The following PLEKHA7 variants were observed in gnomAD, a reference collection of about 807,000 sequenced individuals.
PLEKHA7 encodes pleckstrin homology domain containing A7, also known as pleckstrin homology domain-containing family A member 7.
A neutral mutation model predicts 170.0 loss-of-function variants in PLEKHA7; 104 were observed. That is an observed-to-expected ratio of 0.61 (90% CI 0.52 to 0.72). PLEKHA7 has a LOEUF of 0.72. Ranked by LOEUF, PLEKHA7 falls within the 30% of genes least tolerant of loss-of-function variation. The pLI, the probability that PLEKHA7 is intolerant of heterozygous loss-of-function variation, is 0.00. For synonymous variants in PLEKHA7, 648 were observed against 660.8 expected (o/e 0.98, Z 0.30); for missense variants, 1,615 against 1,671.7 (o/e 0.97, Z 0.59).
chr11:16,781,576 C>T (rs539471054), intron 26 of PLEKHA7, among the ~76,000 whole-genome samples: 3 of 152,174 alleles, frequency 2.0e-5, no homozygotes, highest in African/African-American at 4.8e-5. Context: ...AACACCACAC[C>T]GGCCACCTCT....
chr11:17,013,727 C>A (rs561165326), intron 3 of PLEKHA7, among the ~76,000 whole-genome samples: 1 of 152,238 alleles, frequency 6.6e-6, no homozygotes, highest in East Asian at 1.9e-4. Context: ...CGAATCCAGC[C>A]GGATTGCAAG....
chr11:17,002,920 TA>T (rs745658226), intron 3 of PLEKHA7, among the ~76,000 whole-genome samples: 62 of 149,684 alleles, frequency 4.1e-4, no homozygotes, highest in Non-Finnish European at 7.4e-4. Context: ...CTTAACTACT[TA>T]AGAGCAAATA....
At chr11:16,811,055 A>G (rs907061071) in intron 13 of PLEKHA7, among the ~76,000 whole-genome samples, 3 of 152,202 alleles carry the variant, frequency 2.0e-5, no homozygotes, top group African/African-American at 7.2e-5. Context: ...GTCGACACTC[A>G]GGGACTCTTA....
At chr11:16,839,200 T>C (rs974006255) in intron 9 of PLEKHA7, among the ~76,000 whole-genome samples, 2 of 152,048 alleles carry the variant, frequency 1.3e-5, no homozygotes, top group African/African-American at 2.4e-5. Flanking sequence ...TATACTGATA[T>C]TGAGTGATCC....
At chr11:16,949,171 T>C (rs1861249788) in intron 3 of PLEKHA7, among the ~76,000 whole-genome samples, 1 of 151,924 alleles carries the variant, frequency 6.6e-6, no homozygotes, top group African/African-American at 2.4e-5. Flanking sequence ...GTCTATCTGT[T>C]TCAGTGTAAC....
chr11:16,879,450 G>A (rs1228209402), intron 3 of PLEKHA7, among the ~76,000 whole-genome samples: 2 of 152,182 alleles, frequency 1.3e-5, no homozygotes, highest in African/African-American at 4.8e-5. Context: ...ATACGGGGAG[G>A]CAGAAGGCCA....
rs200245723 is a variant in PLEKHA7 at position 16,801,826 on chromosome 11, C to G, written c.2158-9G>C. ...ACAGATTCTAGCTGGTCCTGCACCA[C>G]GAAGGGCCAAAAAACAGCAGGATAG... On this transcript the variant is annotated splice_polypyrimidine_tract_variant and intron_variant, in intron 15 of 26. Transcript: ENST00000531066. The G allele has an allele frequency of 6.2e-7, 1 of 1,613,462 alleles. No homozygotes were observed.
intron 4 of PLEKHA7, 72 bp downstream of exon 4, chr11:16,871,027 G>T (rs1001548677): frequency 8.0e-7 from 1 of 1,245,032 alleles, no homozygotes; most frequent in Non-Finnish European, 1.2e-6. Context: ...AGTCCAGTAA[G>T]TTTTGTTTTC....
chr11:16,931,352 A>T (rs1859907478), intron 3 of PLEKHA7, among the ~76,000 whole-genome samples: 1 of 152,176 alleles, frequency 6.6e-6, no homozygotes, highest in Non-Finnish European at 1.5e-5. Flanking sequence ...CTAAGACAAG[A>T]GGCCAGAAAG....
chr11:16,980,081 C>A (rs1481634765), intron 3 of PLEKHA7, among the ~76,000 whole-genome samples: 1 of 152,186 alleles, frequency 6.6e-6, no homozygotes, highest in South Asian at 2.1e-4. Flanking sequence ...ACAAAGGAAC[C>A]CCTACTTAGA....
rs1201448762 is a variant in PLEKHA7, at chr11:16,777,734, T to C, written c.*1264A>G. On this transcript the variant is annotated 3_prime_UTR_variant, in exon 27 of 27. Coordinates refer to ENST00000531066, the MANE Select transcript of PLEKHA7 (RefSeq NM_001329630.2). ...AAGTCAAATCAAAGTCCTGCCATTA[T>C]GGCCCTGCTGGCGGCAGGCCATGAG... The C allele has an allele frequency of 6.6e-6, 1 of 152,226 alleles. No homozygotes were observed. The highest frequency in any genetic ancestry group is 1.9e-4 in the East Asian group (1 of 5,190). The allele number at this position is 152,226 out of a possible 1,614,324, so 9.4% of individuals were successfully genotyped here.
At chr11:17,013,943 C>CA (rs1297705737) in intron 3 of PLEKHA7, 46 bp downstream of exon 3, 3 of 1,451,116 alleles carry the variant, frequency 2.1e-6, no homozygotes, top group Non-Finnish European at 2.7e-6. Context: ...GGGAGGGACC[C>CA]CCCCCCCGCG....
intron 4 of PLEKHA7, among the ~76,000 whole-genome samples, chr11:16,869,040 C>A (rs1373019404): frequency 6.6e-6 from 1 of 152,194 alleles, no homozygotes. Context: ...CTCCGGGATG[C>A]CTGAGGACTG....
intron 3 of PLEKHA7, among the ~76,000 whole-genome samples, chr11:16,997,701 T>G (rs945654125): frequency 6.6e-6 from 1 of 152,108 alleles, no homozygotes; most frequent in Non-Finnish European, 1.5e-5. Context: ...TCTCTACAGG[T>G]GCATGTGCTG....
At chr11:16,819,070 T>C (rs1363401288) in intron 10 of PLEKHA7, among the ~76,000 whole-genome samples, 1 of 151,604 alleles carries the variant, frequency 6.6e-6, no homozygotes, top group Non-Finnish European at 1.5e-5. Context: ...CCCAAAGTGT[T>C]GGGATTACAG....
intron 3 of PLEKHA7, among the ~76,000 whole-genome samples, chr11:16,908,315 G>A (rs997039848): frequency 2.0e-4 from 31 of 151,378 alleles, no homozygotes; most frequent in Non-Finnish European, 2.4e-4. Flanking sequence ...ATTTAGAGTG[G>A]ATCCTCATCC....
At chr11:16,973,579 T>C (rs576356093) in intron 3 of PLEKHA7, among the ~76,000 whole-genome samples, 6 of 152,294 alleles carry the variant, frequency 3.9e-5, no homozygotes, top group African/African-American at 1.4e-4. Flanking sequence ...TTAAAATCAC[T>C]TGGGGGCTTA....
intron 4 of PLEKHA7, among the ~76,000 whole-genome samples, chr11:16,865,561 T>A (rs1029839797): frequency 1.0e-4 from 13 of 129,654 alleles, no homozygotes; most frequent in Admixed American, 3.1e-4. Flanking sequence ...CCATCTCTAC[T>A]AAAAATACAA....
intron 23 of PLEKHA7, chr11:16,786,993 A>C: frequency 1.0e-6 from 1 of 985,240 alleles, no homozygotes; most frequent in Non-Finnish European, 1.2e-6. Context: ...TGTTTTCTTT[A>C]AATTAGAAAA....
Sources: allele counts gnomAD v4.1 joint callset (sites outside exome capture counted in the v4.1 genomes callset), GRCh38; gene constraint gnomAD v4.1.1; transcripts MANE v1.5; gene names NCBI Gene and HGNC (gene_info 2026-07-23, HGNC 2026-07-21).